The following KCNK2 variants were observed in gnomAD, a reference collection of about 807,000 sequenced individuals.
KCNK2 encodes the protein potassium two pore domain channel subfamily K member 2.
KCNK2 carries 21 observed loss-of-function variants against 40.5 expected under a neutral mutation model. That is an observed-to-expected ratio of 0.52 (90% CI 0.37 to 0.75). KCNK2 has a LOEUF of 0.75. KCNK2 is among the 30% of genes least tolerant of loss of function. The pLI is 0.00. For synonymous variants in KCNK2, 191 were observed against 202.2 expected (o/e 0.94, Z 0.47); for missense variants, 399 against 531.6 (o/e 0.75, Z 2.45).
At chr1:215,076,824 C>T (rs1658957671) in intron 1 of KCNK2, among the ~76,000 whole-genome samples, 2 of 152,126 alleles carry the variant, frequency 1.3e-5, no homozygotes, top group Admixed American at 1.3e-4. Context: ...GTCATTTTCT[C>T]CTATTTCTTG....
chr1:215,224,894 G>T (rs949751978), intron 6 of KCNK2, among the ~76,000 whole-genome samples: 1 of 152,034 alleles, frequency 6.6e-6, no homozygotes, highest in African/African-American at 2.4e-5. Context: ...CTGAATCAGA[G>T]AAATTCCTAG....
chr1:215,142,490 C>T (rs1245749803), intron 3 of KCNK2, among the ~76,000 whole-genome samples: 2 of 152,106 alleles, frequency 1.3e-5, no homozygotes, highest in Non-Finnish European at 2.9e-5. Context: ...GAAAACTGAA[C>T]AGCAAAATAG....
intron 6 of KCNK2, among the ~76,000 whole-genome samples, chr1:215,231,148 C>T (rs768347273): frequency 6.6e-6 from 1 of 152,042 alleles, no homozygotes; most frequent in Non-Finnish European, 1.5e-5. Context: ...ATTCTTTGTC[C>T]AACTTATTGG....
At chr1:215,097,666 C>T (rs1252086841) in intron 2 of KCNK2, among the ~76,000 whole-genome samples, 1 of 151,874 alleles carries the variant, frequency 6.6e-6, no homozygotes, top group Non-Finnish European at 1.5e-5. Flanking sequence ...GTGTCAATTC[C>T]TTTATGATAT....
chr1:215,023,971 C>T (rs774861859), intron 1 of KCNK2, among the ~76,000 whole-genome samples: 5 of 152,162 alleles, frequency 3.3e-5, no homozygotes, highest in Non-Finnish European at 4.4e-5. Context: ...CCTAGCTCTG[C>T]GGATTTTCCT....
chr1:215,224,799 T>C (rs542318198), intron 6 of KCNK2, among the ~76,000 whole-genome samples: 1 of 152,294 alleles, frequency 6.6e-6, no homozygotes, highest in East Asian at 1.9e-4. Flanking sequence ...AATTTGGAAA[T>C]ATAGACTCAA....
intron 3 of KCNK2, among the ~76,000 whole-genome samples, chr1:215,129,078 A>G (rs562890732): frequency 1.2e-4 from 19 of 152,294 alleles, no homozygotes; most frequent in African/African-American, 4.3e-4. Flanking sequence ...GAAGGACAGG[A>G]GTAACCACAA....
chr1:215,164,324 G>A (rs1355746294), intron 3 of KCNK2, among the ~76,000 whole-genome samples: 1 of 151,680 alleles, frequency 6.6e-6, no homozygotes, highest in African/African-American at 2.4e-5. Context: ...TTTTTTATTA[G>A]TCTAGCTAGT....
intron 5 of KCNK2, among the ~76,000 whole-genome samples, chr1:215,185,391 G>A (rs74140950): frequency 0.056 from 8,563 of 152,170 alleles, 262 homozygotes; most frequent in Middle Eastern, 0.14. Context: ...TTTTTGGAAT[G>A]AGAATGTGGA....
chr1:215,231,258 CAAAGGTT>C (rs1332464859), intron 6 of KCNK2, among the ~76,000 whole-genome samples: 1 of 152,120 alleles, frequency 6.6e-6, no homozygotes, highest in African/African-American at 2.4e-5. Context: ...TACAAAAATG[CAAAGGTT>C]ATACCTAAGT....
intron 3 of KCNK2, among the ~76,000 whole-genome samples, chr1:215,166,750 G>A (rs760426863): frequency 2.6e-5 from 4 of 151,694 alleles, no homozygotes; most frequent in Non-Finnish European, 5.9e-5. Flanking sequence ...TCCCACTAAG[G>A]CTAGAAAATA....
intron 1 of KCNK2, among the ~76,000 whole-genome samples, chr1:215,071,912 G>A (rs187628232): frequency 2.0e-5 from 3 of 152,306 alleles, no homozygotes; most frequent in East Asian, 1.9e-4. Flanking sequence ...TAAGGCAAGT[G>A]AGGCCAACTT....
At position 215,230,051 on chromosome 1, in the gene KCNK2, A is replaced by C. The variant is rs1312713825; in HGVS notation, c.964-4777A>C. 4.9e-5 allele frequency among the ~76,000 whole-genome samples: 7 copies of C among 143,014 alleles called. No individual in the cohort carries two copies. In the East Asian group the frequency reaches 1.4e-3, roughly 29 times the overall value. 93.8% of individuals were successfully genotyped at this position (143,014 alleles called of 152,430 possible). A position where few individuals can be genotyped will look rare whatever the true frequency, so the allele number is the denominator to read the frequency against. ...TATATACATATATAGATATATATAC[A>C]CACAGATATATATATAGATATATAT... On this transcript the variant is annotated intron_variant, in intron 6 of 6. Transcript: ENST00000444842.
At chr1:215,047,382 A>G (rs750342051) in intron 1 of KCNK2, among the ~76,000 whole-genome samples, 12 of 152,260 alleles carry the variant, frequency 7.9e-5, no homozygotes, top group South Asian at 2.1e-4. Flanking sequence ...TAACATTATT[A>G]TCTTCATTTT....
intron 3 of KCNK2, among the ~76,000 whole-genome samples, chr1:215,136,663 T>C (rs1286130696): frequency 1.3e-5 from 2 of 152,156 alleles, no homozygotes; most frequent in African/African-American, 4.8e-5. Flanking sequence ...GCAGGTGGTG[T>C]TCCAGGTTCT....
At chr1:215,024,896 C>G (rs1221431153) in intron 1 of KCNK2, among the ~76,000 whole-genome samples, 1 of 150,748 alleles carries the variant, frequency 6.6e-6, no homozygotes, top group Non-Finnish European at 1.5e-5. Flanking sequence ...TCTTCTTGCT[C>G]AAACAAATAT....
chr1:215,140,797 A>C (rs571754891), intron 3 of KCNK2, among the ~76,000 whole-genome samples: 5 of 152,240 alleles, frequency 3.3e-5, no homozygotes, highest in Non-Finnish European at 5.9e-5. Context: ...CTTAGGCTGC[A>C]CTAAATTTAT....
intron 1 of KCNK2, among the ~76,000 whole-genome samples, chr1:215,007,145 G>GTA (rs10637132): frequency 0.031 from 3,581 of 116,480 alleles, 373 homozygotes; most frequent in African/African-American, 0.12. Context: ...ATATATATGT[G>GTA]TATATATATA....
intron 6 of KCNK2, among the ~76,000 whole-genome samples, chr1:215,225,749 A>G (rs1240743799): frequency 5.3e-5 from 8 of 152,188 alleles, no homozygotes. Context: ...CTTACCATCT[A>G]GTTGGGAAGA....
Sources: allele counts gnomAD v4.1 joint callset (sites outside exome capture counted in the v4.1 genomes callset), GRCh38; gene constraint gnomAD v4.1.1; transcripts MANE v1.5; gene names NCBI Gene and HGNC (gene_info 2026-07-23, HGNC 2026-07-21).